The following GRID1 variants were observed in gnomAD, a reference collection of about 807,000 sequenced individuals.
GRID1 encodes the protein glutamate receptor ionotropic, delta-1.
A neutral mutation model predicts 98.0 loss-of-function variants in GRID1; 28 were observed. The ratio of observed to expected loss-of-function variants is 0.29; its 90% CI spans 0.21 to 0.39. The LOEUF is 0.39. GRID1 is among the 10% of genes least tolerant of loss of function. The probability of loss-of-function intolerance (pLI) is 1.00; values close to 1 mark genes in which losing one functional copy is unlikely to be tolerated. For synonymous variants in GRID1, 553 were observed against 538.5 expected (o/e 1.03, Z -0.37); for missense variants, 1,111 against 1,340.5 (o/e 0.83, Z 2.67).
chr10:86,118,265 T>C (rs1302742742), intron 4 of GRID1, among the ~76,000 whole-genome samples: 2 of 152,122 alleles, frequency 1.3e-5, no homozygotes, highest in Non-Finnish European at 2.9e-5. Context: ...TTCTCACTCA[T>C]ATATGGGAGC....
At chr10:85,922,802 C>T (rs549052924) in intron 4 of GRID1, among the ~76,000 whole-genome samples, 303 of 152,282 alleles carry the variant, frequency 2.0e-3, no homozygotes, top group Admixed American at 4.1e-3. Flanking sequence ...CACCATGAGG[C>T]CCGAGTTTTC....
chr10:85,653,552 G>T (rs1840855408), intron 12 of GRID1, among the ~76,000 whole-genome samples: 1 of 152,204 alleles, frequency 6.6e-6, no homozygotes, highest in Non-Finnish European at 1.5e-5. Flanking sequence ...GAAAGGGGAT[G>T]CTGGGGTGTA....
intron 8 of GRID1, among the ~76,000 whole-genome samples, chr10:85,794,218 A>G (rs768265120): frequency 1.3e-5 from 2 of 152,218 alleles, no homozygotes; most frequent in African/African-American, 2.4e-5. Context: ...CCAGCCTGCC[A>G]TAATGATTTA....
At chr10:85,665,106 AT>A (rs1270218161) in intron 12 of GRID1, among the ~76,000 whole-genome samples, 1 of 152,132 alleles carries the variant, frequency 6.6e-6, no homozygotes, top group African/African-American at 2.4e-5. Flanking sequence ...TGTTAAGGTA[AT>A]TTCCCTTACA....
In GRID1 at chr10:86,366,336, C is replaced by A. The variant is rs1220614819; in HGVS notation, c.57G>T (p.Arg19=). The A allele has an allele frequency of 6.6e-7, 1 of 1,519,774 alleles. No individual in the cohort carries two copies. The highest frequency in any genetic ancestry group is 1.2e-5 in the South Asian group (1 of 81,880). 94.1% of individuals were successfully genotyped at this position (1,519,774 alleles called of 1,614,324 possible). Residue 19 remains arginine (R), a synonymous_variant, in exon 1 of 16, where the codon CGG becomes CGT. Coordinates refer to ENST00000327946, the MANE Select transcript of GRID1 (RefSeq NM_017551.3). This position sits in a 1 kb window ranked among gnomAD's most constrained non-coding sequence, Gnocchi z 4.1. ...TACCGATGTGGATGATGGAGTCGGC[C>A]CGCACCGACACGCACTGGCATATCC... ...LPWICQCVSV[R]ADSIIHIGAI...
chr10:85,793,371 C>G (rs549253788), intron 8 of GRID1, among the ~76,000 whole-genome samples: 2 of 152,364 alleles, frequency 1.3e-5, no homozygotes, highest in East Asian at 3.9e-4. Context: ...TAAGCAATCA[C>G]TTTCTCTTCT....
At chr10:85,956,639 GC>G (rs1337647149) in intron 4 of GRID1, among the ~76,000 whole-genome samples, 2 of 152,136 alleles carry the variant, frequency 1.3e-5, no homozygotes, top group Non-Finnish European at 2.9e-5. Context: ...CACAAGGAAA[GC>G]CCCTTCACAT....
intron 3 of GRID1, among the ~76,000 whole-genome samples, chr10:86,185,827 C>T (rs917044653): frequency 6.6e-6 from 1 of 152,138 alleles, no homozygotes; most frequent in Non-Finnish European, 1.5e-5. Flanking sequence ...ATGAAGTATT[C>T]TGTTTATATA....
chr10:85,615,864 G>A (rs902444118), intron 14 of GRID1, among the ~76,000 whole-genome samples: 1 of 152,210 alleles, frequency 6.6e-6, no homozygotes, highest in African/African-American at 2.4e-5. Flanking sequence ...GGACCTCAGG[G>A]CCTTTGAGGA....
chr10:85,909,420 A>T (rs1318991059), intron 5 of GRID1, among the ~76,000 whole-genome samples: 1 of 152,248 alleles, frequency 6.6e-6, no homozygotes, highest in Non-Finnish European at 1.5e-5. Context: ...AAAGGAAAGT[A>T]TATGTCCATA....
intron 4 of GRID1, among the ~76,000 whole-genome samples, chr10:86,013,760 G>A (rs1255137779): frequency 6.6e-6 from 1 of 152,198 alleles, no homozygotes; most frequent in Non-Finnish European, 1.5e-5. Flanking sequence ...ATGACATCAT[G>A]CTGATAAGAC....
rs549600557 is a variant in GRID1, at chr10:85,884,343, C to T, written c.781-15163G>A. 9.9e-5 allele frequency among the ~76,000 whole-genome samples: 15 copies of T among 152,216 alleles called. No individual in the cohort carries two copies. The East Asian group carries it at 2.9e-3, about 29-fold the overall frequency. ...GGACACACACCTGCCTCCCAAATAG[C>T]TCCCTATATGTTTTGACTTTGTGAC... On this transcript the variant is annotated intron_variant, in intron 5 of 15. Transcript: ENST00000327946.
chr10:85,704,487 G>C (rs11201741), intron 12 of GRID1, among the ~76,000 whole-genome samples: 10,682 of 152,052 alleles, frequency 0.07, 601 homozygotes, highest in African/African-American at 0.15. Flanking sequence ...TAGAGACCTA[G>C]AAAGAGACTT....
intron 6 of GRID1, among the ~76,000 whole-genome samples, chr10:85,856,507 G>A (rs1326882539): frequency 6.6e-6 from 1 of 152,206 alleles, no homozygotes; most frequent in Admixed American, 6.5e-5. Context: ...GGAGGATGGA[G>A]GGAAGGATAA....
intron 6 of GRID1, among the ~76,000 whole-genome samples, chr10:85,862,614 C>T (rs1015334646): frequency 3.3e-5 from 5 of 152,052 alleles, no homozygotes; most frequent in Admixed American, 1.3e-4. Flanking sequence ...AGAACTCAGC[C>T]GTGAGCTCTT....
intron 8 of GRID1, among the ~76,000 whole-genome samples, chr10:85,839,462 A>T (rs1207310858): frequency 6.6e-6 from 1 of 152,242 alleles, no homozygotes; most frequent in East Asian, 1.9e-4. Context: ...TAATTAAATT[A>T]GAAATCAAGA....
intron 8 of GRID1, among the ~76,000 whole-genome samples, chr10:85,810,025 G>A (rs1440406842): frequency 6.6e-6 from 1 of 152,158 alleles, no homozygotes; most frequent in South Asian, 2.1e-4. Context: ...AAGCTGCTGG[G>A]GTGTGGTGCC....
rs532163734 is a variant in GRID1 at position 86,032,494 on chromosome 10, G to T, written c.726+106325C>A. 2.3e-3 allele frequency among the ~76,000 whole-genome samples: 353 copies of T among 152,306 alleles called. 2 individuals are homozygous for T. Among genetic ancestry groups the T allele is most frequent in the Non-Finnish European group, 4.3e-3 (294 of 68,014 alleles). ...GTTCTGTACTAAGAAAAATTCTTCT[G>T]CCTTGGGATGCTGTTAATCTATAAC... On this transcript the variant is annotated intron_variant, in intron 4 of 15. Transcript: ENST00000327946.
chr10:86,329,204 T>C (rs1029568991), intron 2 of GRID1, among the ~76,000 whole-genome samples: 2 of 152,242 alleles, frequency 1.3e-5, no homozygotes, highest in African/African-American at 4.8e-5. Flanking sequence ...CCTGGTTCCC[T>C]TGCCCTGGCC....
Sources: allele counts gnomAD v4.1 joint callset (sites outside exome capture counted in the v4.1 genomes callset), GRCh38; gene constraint gnomAD v4.1.1; non-coding constraint Gnocchi (gnomAD v3.1); transcripts MANE v1.5; gene names NCBI Gene and HGNC (gene_info 2026-07-23, HGNC 2026-07-21).